Variants in SEC16B observed in about 807,000 individuals in gnomAD.
SEC16B encodes SEC16 homolog B, endoplasmic reticulum export factor.
In SEC16B, 115 loss-of-function variants were observed where a neutral mutation model predicts 141.8. The observed-to-expected ratio is 0.81, with a 90% CI of 0.70 to 0.95. The LOEUF is 0.95. SEC16B is among the 40% of genes least tolerant of loss of function. SEC16B has a pLI of 0.00. For missense variants in SEC16B, 1,291 were observed against 1,312.3 expected, an observed-to-expected ratio of 0.98 and a Z score of 0.25; for synonymous variants, 493 against 492.5, an observed-to-expected ratio of 1.00 and a Z score of -0.01.
At position 177,954,296 on chromosome 1, in the gene SEC16B, G is replaced by A. The variant is rs34201585; in HGVS notation, c.1446C>T (p.Tyr482=). Residue 482 remains tyrosine (Y), a synonymous_variant, in exon 11 of 26, where the codon TAC becomes TAT. Coordinates refer to ENST00000308284, the MANE Select transcript of SEC16B (RefSeq NM_033127.4). ...FLSSKMDPQT[Y]SWVMSGFTST... ...TGACTCACCCACTCATGACCCAGCT[G>A]TAGGTCTGTGGGTCCATCTTGCTGG... 4.4e-4 allele frequency: 697 copies of A among 1,566,512 alleles called. 3 individuals carry two copies. The highest frequency in any genetic ancestry group is 8.5e-5 in the Non-Finnish European group (98 of 1,154,810).
At chr1:177,981,343 A>G (rs750890739) in intron 1 of SEC16B, among the ~76,000 whole-genome samples, 5 of 152,088 alleles carry the variant, frequency 3.3e-5, no homozygotes, top group Non-Finnish European at 5.9e-5. Context: ...CTCCCTGGCC[A>G]TGGTGATTAA....
intron 4 of SEC16B, 100 bp from the exon 5 acceptor site, chr1:177,964,379 G>T: frequency 1.4e-6 from 1 of 712,356 alleles, no homozygotes; most frequent in Non-Finnish European, 2.3e-6. Flanking sequence ...GCGTGGGCAG[G>T]TACCATGTCA....
At chr1:177,934,024 C>T (rs1447643268) in intron 20 of SEC16B, among the ~76,000 whole-genome samples, 1 of 151,734 alleles carries the variant, frequency 6.6e-6, no homozygotes, top group African/African-American at 2.4e-5. Context: ...AATGTAGCAA[C>T]CACCAAACAT....
chr1:177,943,735 G>A (rs777387425), intron 15 of SEC16B, among the ~76,000 whole-genome samples: 4 of 152,214 alleles, frequency 2.6e-5, no homozygotes, highest in Non-Finnish European at 4.4e-5. Flanking sequence ...CTGCCATGAC[G>A]TCAACGCCGA....
chr1:177,948,080 G>A (rs572341954), intron 12 of SEC16B, 138 bp from the exon 13 acceptor site: 5 of 764,230 alleles, frequency 6.5e-6, no homozygotes, highest in South Asian at 3.5e-5. Context: ...GCCATTCATT[G>A]ATTTAGAGCT....
chr1:177,934,297 A>G (rs1309770598), intron 20 of SEC16B, among the ~76,000 whole-genome samples: 1 of 151,900 alleles, frequency 6.6e-6, no homozygotes, highest in Non-Finnish European at 1.5e-5. Context: ...CTAACTCCCC[A>G]TCTCCCCTTC....
intron 16 of SEC16B, among the ~76,000 whole-genome samples, chr1:177,941,683 A>G (rs2101920923): frequency 6.6e-6 from 1 of 152,334 alleles, no homozygotes; most frequent in East Asian, 1.9e-4. Flanking sequence ...TCCAGTCTCC[A>G]ATCCCACCAC....
chr1:177,964,966 G>C, intron 4 of SEC16B, 81 bp downstream of exon 4: 1 of 1,498,896 alleles, frequency 6.7e-7, no homozygotes, highest in Non-Finnish European at 9.1e-7. Flanking sequence ...TGAGATGGCA[G>C]CATCAGACGC....
Position 177,960,913 on chromosome 1 carries a change from G to A in SEC16B, c.814C>T (p.Pro272Ser), listed in dbSNP as rs1470571187. 1.9e-6 allele frequency: 3 copies of A among 1,613,840 alleles called. No homozygotes were observed. The highest frequency in any genetic ancestry group is 3.3e-5 in the Admixed American group (2 of 60,000). ...ACATGAGGGATGTAGAACTTCATGG[G>A]TGCTTTGGGACCAGCTGAGGAGACA... ...ADVSSAGPKA[P>S]MKFYIPHVPV... The change falls in exon 7 of 26, where the codon CCC (proline) becomes TCC (serine). Residue 272 changes from proline (P) to serine (S), a missense_variant. This residue lies in a region of SEC16B where 681 missense variants were observed against 675.5 expected (regional missense o/e 1.01). Coordinates refer to ENST00000308284, the MANE Select transcript of SEC16B (RefSeq NM_033127.4).
chr1:177,957,169 T>C (rs1652676197), intron 10 of SEC16B, among the ~76,000 whole-genome samples: 1 of 152,182 alleles, frequency 6.6e-6, no homozygotes, highest in South Asian at 2.1e-4. Context: ...TCTAGGAATC[T>C]GCCCTAAAAA....
intron 17 of SEC16B, among the ~76,000 whole-genome samples, chr1:177,939,991 C>T (rs77646091): frequency 0.021 from 3,218 of 152,194 alleles, 58 homozygotes; most frequent in East Asian, 0.05. Flanking sequence ...CCAGAGTCAT[C>T]CACCCTCCCC....
chr1:177,958,400 G>C, intron 9 of SEC16B, 38 bp from the exon 10 acceptor site: 1 of 1,469,752 alleles, frequency 6.8e-7, no homozygotes, highest in Non-Finnish European at 9.1e-7. Context: ...AGAATCCTAT[G>C]AGTCCTCAGG....
At chr1:177,959,413 T>C (rs539938568) in intron 8 of SEC16B, 1 of 215,840 alleles carries the variant, frequency 4.6e-6, no homozygotes, top group South Asian at 7.4e-5. Context: ...GTGTGGCATA[T>C]ATTAAGTGAT....
intron 1 of SEC16B, among the ~76,000 whole-genome samples, chr1:177,983,116 G>A (rs1341782418): frequency 6.6e-6 from 1 of 152,174 alleles, no homozygotes; most frequent in Non-Finnish European, 1.5e-5. Flanking sequence ...GTGGAGCTAA[G>A]GTAATGCTGT....
chr1:177,936,451 G>C, intron 19 of SEC16B, 86 bp from the exon 20 acceptor site: 2 of 1,198,396 alleles, frequency 1.7e-6, no homozygotes, highest in Non-Finnish European at 2.4e-6. Context: ...GACACAATCA[G>C]CTTTCTTAAC....
At chr1:177,948,190 GATAA>G (rs1651882070) in intron 12 of SEC16B, among the ~76,000 whole-genome samples, 1 of 152,158 alleles carries the variant, frequency 6.6e-6, no homozygotes, top group South Asian at 2.1e-4. Context: ...TTGGAAAATG[GATAA>G]ATAAAATGAC....
intron 18 of SEC16B, 87 bp downstream of exon 18, chr1:177,939,615 G>T: frequency 8.6e-7 from 1 of 1,167,124 alleles, no homozygotes; most frequent in Non-Finnish European, 1.2e-6. Flanking sequence ...GGAAGCAAAG[G>T]GCGAGTGCTT....
intron 1 of SEC16B, among the ~76,000 whole-genome samples, chr1:177,977,265 C>T (rs1270633786): frequency 1.3e-5 from 2 of 152,114 alleles, no homozygotes; most frequent in African/African-American, 4.8e-5. Context: ...CAGAAGCAGA[C>T]ATTCAGATAC....
At chr1:177,961,165 A>G (rs1557986738) in intron 6 of SEC16B, 1 of 534,990 alleles carries the variant, frequency 1.9e-6, no homozygotes, top group South Asian at 2.3e-5. Flanking sequence ...ATTCAGTCCA[A>G]ATGATAATGC....
Sources: allele counts gnomAD v4.1 joint callset (sites outside exome capture counted in the v4.1 genomes callset), GRCh38; gene constraint gnomAD v4.1.1; regional missense constraint gnomAD v4.1.1; transcripts MANE v1.5; gene names NCBI Gene and HGNC (gene_info 2026-07-23, HGNC 2026-07-21).